The following CTBP2 variants were observed in gnomAD, a reference collection of about 807,000 sequenced individuals.
The protein encoded by CTBP2 is C-terminal-binding protein 2.
Under a neutral mutation model 80.3 loss-of-function variants are expected in CTBP2, and 30 were observed. That is an observed-to-expected ratio of 0.37 (90% CI 0.28 to 0.51). CTBP2 has a LOEUF of 0.51. Ranked by LOEUF, CTBP2 falls within the 20% of genes least tolerant of loss-of-function variation. The pLI, the probability that CTBP2 is intolerant of heterozygous loss-of-function variation, is 0.93. For missense variants in CTBP2, 1,212 were observed against 1,375.3 expected (o/e 0.88, Z 1.88); for synonymous variants, 594 against 587.4 (o/e 1.01, Z -0.16).
At chr10:125,069,758 G>A (rs765766401) in intron 2 of CTBP2, among the ~76,000 whole-genome samples, 4 of 152,120 alleles carry the variant, frequency 2.6e-5, no homozygotes, top group Non-Finnish European at 5.9e-5. Context: ...TTTCTGCTGA[G>A]AGTCTCCCCT....
At chr10:125,031,394 C>T (rs1958175780), upstream of CTBP2, among the ~76,000 whole-genome samples, 2 of 137,498 alleles carry the variant, frequency 1.5e-5, no homozygotes, top group Non-Finnish European at 3.0e-5. Context: ...GAGGCTGAGG[C>T]AGGAGAATGG....
chr10:125,014,021 T>C (rs540676959), intron 1 of CTBP2, among the ~76,000 whole-genome samples: 130 of 152,246 alleles, frequency 8.5e-4, no homozygotes, highest in African/African-American at 3.0e-3. Context: ...ACGTGAGGCA[T>C]GCGCTCTTCC....
chr10:125,142,134 C>G (rs757131167), intron 1 of CTBP2, among the ~76,000 whole-genome samples: 1 of 152,096 alleles, frequency 6.6e-6, no homozygotes, highest in Non-Finnish European at 1.5e-5. Context: ...GGGACGGGGG[C>G]GGTTTGCCTA....
At chr10:125,073,434 G>A (rs1052671538) in intron 2 of CTBP2, among the ~76,000 whole-genome samples, 1 of 152,202 alleles carries the variant, frequency 6.6e-6, no homozygotes, top group East Asian at 1.9e-4. Flanking sequence ...AGTAGAGACA[G>A]GGCTTCACCA....
intron 1 of CTBP2, among the ~76,000 whole-genome samples, chr10:125,149,525 C>T (rs1859431872): frequency 6.6e-6 from 1 of 152,216 alleles, no homozygotes; most frequent in South Asian, 2.1e-4. Context: ...ATCCACAAGA[C>T]AGAGCAGAAT....
At chr10:125,120,933 T>A (rs1469146887) in intron 1 of CTBP2, among the ~76,000 whole-genome samples, 1 of 152,260 alleles carries the variant, frequency 6.6e-6, no homozygotes, top group Non-Finnish European at 1.5e-5. Context: ...TATCGGTTCC[T>A]TGACCCTGAC....
At chr10:125,052,289 A>G (rs1337805478) in intron 2 of CTBP2, among the ~76,000 whole-genome samples, 1 of 152,186 alleles carries the variant, frequency 6.6e-6, no homozygotes, top group Non-Finnish European at 1.5e-5. Context: ...ATCTCGCCCC[A>G]GACAGCTCAA....
intron 1 of CTBP2, among the ~76,000 whole-genome samples, chr10:125,118,212 C>T (rs887093510): frequency 1.3e-5 from 2 of 150,934 alleles, no homozygotes; most frequent in Non-Finnish European, 3.0e-5. Flanking sequence ...CAGCTTTCAG[C>T]TTTTCTAGAT....
At chr10:125,048,751 A>C (rs1333281308) in intron 2 of CTBP2, among the ~76,000 whole-genome samples, 2 of 152,176 alleles carry the variant, frequency 1.3e-5, no homozygotes, top group Non-Finnish European at 1.5e-5. Context: ...ACACACACAG[A>C]GAGGACGGTG....
chr10:125,133,778 A>G (rs1856545637), intron 1 of CTBP2, among the ~76,000 whole-genome samples: 1 of 152,216 alleles, frequency 6.6e-6, no homozygotes, highest in Non-Finnish European at 1.5e-5. Flanking sequence ...TTGTATTTAC[A>G]AAGAGTCTCA....
intron 3 of CTBP2, among the ~76,000 whole-genome samples, chr10:125,033,622 T>C (rs1958507233): frequency 6.6e-6 from 1 of 152,228 alleles, no homozygotes; most frequent in Non-Finnish European, 1.5e-5. Flanking sequence ...TGTCTGCTGC[T>C]GTCTGGCTAC....
At chr10:125,159,925 G>A (rs1861649090) in intron 1 of CTBP2, 1 of 153,766 alleles carries the variant, frequency 6.5e-6, no homozygotes, top group Non-Finnish European at 1.4e-5. Context: ...CGCCGCCGCC[G>A]CTGCCCTCCG....
chr10:125,058,383 C>A (rs545639431), intron 2 of CTBP2, among the ~76,000 whole-genome samples: 1 of 152,334 alleles, frequency 6.6e-6, no homozygotes, highest in South Asian at 2.1e-4. Context: ...CCTGATCTAA[C>A]CATCCATTCC....
At chr10:125,062,444 G>T (rs1426066623) in intron 2 of CTBP2, among the ~76,000 whole-genome samples, 1 of 102,458 alleles carries the variant, frequency 9.8e-6, no homozygotes, top group African/African-American at 6.6e-5. Flanking sequence ...CTCTAACACT[G>T]TAACGTGGGG....
At chr10:125,041,310 T>C (rs1217730086) in intron 2 of CTBP2, among the ~76,000 whole-genome samples, 2 of 152,204 alleles carry the variant, frequency 1.3e-5, no homozygotes, top group Non-Finnish European at 2.9e-5. Flanking sequence ...CTCGAACTCC[T>C]GAACTCAAGT....
chr10:125,030,347 C>T (rs58594072), upstream of CTBP2, among the ~76,000 whole-genome samples: 3,536 of 152,194 alleles, frequency 0.023, 82 homozygotes, highest in African/African-American at 0.059. Context: ...ATAGCTGTGT[C>T]GGGGAGAGAG....
chr10:125,102,331 G>T lies in CTBP2; in HGVS notation c.-102+8659C>A, dbSNP rs115765262. 5.2e-3 allele frequency among the ~76,000 whole-genome samples: 788 copies of T among 152,342 alleles called. 8 individuals are homozygous for T. Among genetic ancestry groups the T allele is most frequent in the African/African-American group, 0.018 (743 of 41,570 alleles). On this transcript the variant is annotated intron_variant, in intron 2 of 10. Coordinates refer to the CTBP2 transcript ENST00000337195. ...CATTACCTTCCCCTTGCAAACATCAGGAGGAAGTGCCAGAGCCGCTGGGGC... is the reference window on the plus strand; with the variant it reads ...CATTACCTTCCCCTTGCAAACATCATGAGGAAGTGCCAGAGCCGCTGGGGC...
chr10:124,992,048 G>C lies in CTBP2; in HGVS notation c.2777+647C>G, dbSNP rs140887092. Among the ~76,000 whole-genome samples, 660 of 152,210 alleles carry C rather than the reference G, an allele frequency of 4.3e-3. 3 individuals carry two copies. Among genetic ancestry groups the C allele is most frequent in the African/African-American group, 0.013 (555 of 41,518 alleles). ...ACCCAAACTACAGGTATCATTTTTA[G>C]TGTGTGGACAAGGTCATCATCCTGA... On this transcript the variant is annotated intron_variant, in intron 8 of 8. Coordinates refer to ENST00000309035, the MANE Select transcript of CTBP2 (RefSeq NM_022802.3).
chr10:125,091,841 A>C (rs959684106), intron 2 of CTBP2, among the ~76,000 whole-genome samples: 1 of 152,202 alleles, frequency 6.6e-6, no homozygotes, highest in Non-Finnish European at 1.5e-5. Context: ...TATGGAAAAA[A>C]AAATCACCCA....
Sources: gnomAD v4.1 joint callset for allele counts (sites outside exome capture counted in the v4.1 genomes callset) on GRCh38, gnomAD v4.1.1 for gene constraint, MANE v1.5 for transcripts, NCBI Gene and HGNC (gene_info 2026-07-23, HGNC 2026-07-21) for gene names.